The following NPAS3 variants were observed in gnomAD, a reference collection of about 807,000 sequenced individuals.
NPAS3 encodes the protein neuronal PAS domain-containing protein 3.
A neutral mutation model predicts 73.1 loss-of-function variants in NPAS3; 14 were observed. The observed-to-expected ratio is 0.19, with a 90% CI of 0.13 to 0.30. The LOEUF (loss-of-function observed/expected upper bound fraction) is 0.30, where lower values mean the gene tolerates loss of function less well. Among genes scored for constraint, NPAS3 ranks in the 10% least tolerant of loss-of-function variants. NPAS3 has a pLI of 1.00. For missense variants in NPAS3, 1,096 were observed against 1,250.0 expected, an observed-to-expected ratio of 0.88 and a Z score of 1.86; for synonymous variants, 620 against 541.5, an observed-to-expected ratio of 1.14 and a Z score of -2.01.
intron 2 of NPAS3, among the ~76,000 whole-genome samples, chr14:33,099,429 C>T (rs1228859614): frequency 6.6e-6 from 1 of 152,004 alleles, no homozygotes; most frequent in Non-Finnish European, 1.5e-5. Flanking sequence ...CTCTATGAAT[C>T]TCAGGTTCAG....
At chr14:33,670,118 C>CAACA (rs2059570848) in intron 5 of NPAS3, among the ~76,000 whole-genome samples, 1 of 152,044 alleles carries the variant, frequency 6.6e-6, no homozygotes, top group African/African-American at 2.4e-5. Context: ...AATGTACGTA[C>CAACA]AACAAAAAAC....
chr14:33,430,145 G>C (rs1272190491), intron 4 of NPAS3, among the ~76,000 whole-genome samples: 1 of 152,148 alleles, frequency 6.6e-6, no homozygotes, highest in East Asian at 1.9e-4. Flanking sequence ...AAAGGTGCTT[G>C]TTGTTGCTCT....
chr14:33,384,165 T>G (rs1159725931), intron 4 of NPAS3, among the ~76,000 whole-genome samples: 4 of 151,824 alleles, frequency 2.6e-5, no homozygotes, highest in Admixed American at 6.6e-5. Context: ...AGCAATCAGC[T>G]TCATTTTAAG....
chr14:33,342,909 T>C (rs1326943057), intron 3 of NPAS3, among the ~76,000 whole-genome samples: 2 of 152,196 alleles, frequency 1.3e-5, no homozygotes, highest in African/African-American at 4.8e-5. Context: ...TCCCATTTTT[T>C]AGCCCATATG....
intron 4 of NPAS3, among the ~76,000 whole-genome samples, chr14:33,418,087 T>A (rs899682486): frequency 5.9e-5 from 9 of 151,714 alleles, no homozygotes; most frequent in Non-Finnish European, 1.3e-4. Flanking sequence ...ATTGCAAAAA[T>A]TAGTTTAAGA....
rs560661337 is a variant in NPAS3, at chr14:33,354,772, T to C, written c.386-12414T>C. On this transcript the variant is annotated intron_variant, in intron 3 of 11. Transcript: ENST00000356141. ...TCATACTGCGCTCTGGCTTTTCCCT[T>C]ATGAGGTAATCACAAAGCTCTCTCA... 8.5e-5 allele frequency among the ~76,000 whole-genome samples: 13 copies of C among 152,314 alleles called. No homozygotes were observed. The South Asian group carries it at 2.7e-3, about 32-fold the overall frequency.
chr14:33,367,800 C>T (rs750796176), intron 4 of NPAS3, among the ~76,000 whole-genome samples: 1 of 151,842 alleles, frequency 6.6e-6, no homozygotes, highest in African/African-American at 2.4e-5. Context: ...TAAAAGGAGA[C>T]AAATAATAAT....
intron 3 of NPAS3, among the ~76,000 whole-genome samples, chr14:33,327,264 G>C (rs1378916059): frequency 6.6e-6 from 1 of 152,184 alleles, no homozygotes; most frequent in African/African-American, 2.4e-5. Context: ...GTCATATTGA[G>C]TGCATGCTAT....
chr14:33,315,150 G>T (rs2043157244), intron 3 of NPAS3, among the ~76,000 whole-genome samples: 1 of 152,028 alleles, frequency 6.6e-6, no homozygotes, highest in African/African-American at 2.4e-5. Context: ...TGTCAGATAG[G>T]TAAGGAAAAT....
chr14:33,067,065 T>C (rs574265773), intron 2 of NPAS3, among the ~76,000 whole-genome samples: 1 of 152,338 alleles, frequency 6.6e-6, no homozygotes, highest in South Asian at 2.1e-4. Flanking sequence ...GGCACATTGC[T>C]CAGTTCACAC....
intron 6 of NPAS3, among the ~76,000 whole-genome samples, chr14:33,734,871 A>G (rs775001976): frequency 2.6e-5 from 4 of 152,018 alleles, no homozygotes; most frequent in Non-Finnish European, 4.4e-5. Flanking sequence ...TCATAAATCT[A>G]CGGGTCCTTG....
chr14:33,271,250 ACT>A (rs1935789065), intron 3 of NPAS3, among the ~76,000 whole-genome samples: 1 of 152,104 alleles, frequency 6.6e-6, no homozygotes, highest in Non-Finnish European at 1.5e-5. Flanking sequence ...ATAAGGCAGA[ACT>A]CTCTTTGGAA....
chr14:33,391,869 T>G (rs1014505901), intron 4 of NPAS3, among the ~76,000 whole-genome samples: 7 of 152,166 alleles, frequency 4.6e-5, no homozygotes, highest in African/African-American at 2.4e-5. Context: ...CCAGATATAC[T>G]TAATTTCTAA....
chr14:33,464,819 C>A (rs2050436360), intron 4 of NPAS3, among the ~76,000 whole-genome samples: 1 of 152,164 alleles, frequency 6.6e-6, no homozygotes, highest in Non-Finnish European at 1.5e-5. Flanking sequence ...CAGAGAACTG[C>A]CTGGTCCTGA....
intron 1 of NPAS3, among the ~76,000 whole-genome samples, chr14:33,036,491 G>A (rs1164432501): frequency 6.6e-6 from 1 of 152,074 alleles, no homozygotes; most frequent in Non-Finnish European, 1.5e-5. Context: ...AAAAGCTGAA[G>A]AAGGCAGTAC....
intron 3 of NPAS3, among the ~76,000 whole-genome samples, chr14:33,303,931 G>T (rs1053310735): frequency 6.7e-6 from 1 of 148,984 alleles, no homozygotes; most frequent in Non-Finnish European, 1.5e-5. Context: ...GTTTTGAGAC[G>T]GAGTCTCGCT....
At chr14:33,376,373 A>G (rs2140458722) in intron 4 of NPAS3, among the ~76,000 whole-genome samples, 1 of 152,302 alleles carries the variant, frequency 6.6e-6, no homozygotes, top group African/African-American at 2.4e-5. Context: ...CTTTGTCACA[A>G]TCTGAAAAAA....
intron 4 of NPAS3, among the ~76,000 whole-genome samples, chr14:33,495,707 G>T (rs1387030187): frequency 6.6e-6 from 1 of 151,988 alleles, no homozygotes; most frequent in Non-Finnish European, 1.5e-5. Flanking sequence ...TTGTTGTGTT[G>T]ATCCCTTTAC....
At chr14:32,938,223 C>A (rs2035762064), upstream of NPAS3, among the ~76,000 whole-genome samples, 1 of 152,098 alleles carries the variant, frequency 6.6e-6, no homozygotes, top group Non-Finnish European at 1.5e-5. Flanking sequence ...GCCCACGGGG[C>A]TCTTGGGCCC....
Sources: gnomAD v4.1 joint callset for allele counts (sites outside exome capture counted in the v4.1 genomes callset) on GRCh38, gnomAD v4.1.1 for gene constraint, MANE v1.5 for transcripts, NCBI Gene and HGNC (gene_info 2026-07-23, HGNC 2026-07-21) for gene names.